PCDHA6: variants seen among roughly 807,000 people sequenced by gnomAD.
PCDHA6 encodes protocadherin alpha 6, also known as protocadherin alpha-6.
A neutral mutation model predicts 60.3 loss-of-function variants in PCDHA6; 55 were observed. That is an observed-to-expected ratio of 0.91 (90% CI 0.73 to 1.14). The LOEUF (loss-of-function observed/expected upper bound fraction) is 1.14, where lower values mean the gene tolerates loss of function less well. PCDHA6 is among the 50% of genes most tolerant of loss of function. The pLI, the probability that PCDHA6 is intolerant of heterozygous loss-of-function variation, is 0.00. For missense variants in PCDHA6, 1,327 were observed against 1,256.5 expected (o/e 1.06, Z -0.85); for synonymous variants, 652 against 557.9 (o/e 1.17, Z -2.38).
At chr5:140,944,880 C>T (rs1275494519) in intron 1 of PCDHA6, among the ~76,000 whole-genome samples, 1 of 152,150 alleles carries the variant, frequency 6.6e-6, no homozygotes, top group Non-Finnish European at 1.5e-5. Flanking sequence ...ACCTACTCCA[C>T]TGTACAGTTC....
At chr5:140,881,461 C>T (rs1428843491) in intron 1 of PCDHA6, 1 of 635,408 alleles carries the variant, frequency 1.6e-6, no homozygotes, top group Non-Finnish European at 2.0e-6. Context: ...AACCTTAGAG[C>T]ATTGTTGTGG....
intron 1 of PCDHA6, among the ~76,000 whole-genome samples, chr5:140,906,981 G>A (rs1554192831): frequency 6.6e-6 from 1 of 152,122 alleles, no homozygotes; most frequent in Non-Finnish European, 1.5e-5. Flanking sequence ...GTCTTCTGGT[G>A]GCAGCATTCC....
At chr5:140,842,221 A>G (rs1420540390) in intron 1 of PCDHA6, 1 of 1,613,116 alleles carries the variant, frequency 6.2e-7, no homozygotes, top group Non-Finnish European at 8.5e-7. Context: ...GAAATACGGG[A>G]GAAATAGTGA....
chr5:140,835,485 G>C (rs371322976), intron 1 of PCDHA6: 7 of 1,613,778 alleles, frequency 4.3e-6, no homozygotes, highest in Non-Finnish European at 5.9e-6. Flanking sequence ...ACCAGGTACC[G>C]TCATCACATT....
chr5:140,975,890 T>C (rs542825387), intron 1 of PCDHA6, among the ~76,000 whole-genome samples: 1 of 152,310 alleles, frequency 6.6e-6, no homozygotes, highest in South Asian at 2.1e-4. Flanking sequence ...TTTCCACATA[T>C]GGAGTTTTGT....
chr5:140,915,886 T>A (rs1259377999), intron 1 of PCDHA6, among the ~76,000 whole-genome samples: 2 of 152,186 alleles, frequency 1.3e-5, no homozygotes, highest in African/African-American at 4.8e-5. Context: ...GGGTAGCAAG[T>A]TCCCCCTGGC....
intron 1 of PCDHA6, among the ~76,000 whole-genome samples, chr5:140,924,240 G>T (rs1554201838): frequency 2.6e-5 from 4 of 152,186 alleles, no homozygotes; most frequent in Non-Finnish European, 5.9e-5. Flanking sequence ...GGGCTGTTTT[G>T]CATCCTGGTG....
At chr5:140,875,561 A>G in intron 1 of PCDHA6, 1 of 1,614,128 alleles carries the variant, frequency 6.2e-7, no homozygotes, top group Non-Finnish European at 8.5e-7. Flanking sequence ...GGGAGCGGCC[A>G]GCTCCACTAC....
At chr5:140,849,170 C>T in intron 1 of PCDHA6, 2 of 1,111,514 alleles carry the variant, frequency 1.8e-6, no homozygotes, top group East Asian at 2.6e-5. Context: ...TGACTGGCAC[C>T]GTTCAATTAC....
intron 1 of PCDHA6, chr5:140,876,169 C>T (rs782706242): frequency 3.1e-6 from 5 of 1,613,798 alleles, no homozygotes; most frequent in Non-Finnish European, 4.2e-6. Context: ...AATAACCGTC[C>T]TGGATGTGAA....
chr5:140,990,379 G>C (rs1554251452), intron 3 of PCDHA6, among the ~76,000 whole-genome samples: 3 of 152,092 alleles, frequency 2.0e-5, no homozygotes. Context: ...CAAATTTGTT[G>C]GTGATGTTCC....
intron 3 of PCDHA6, among the ~76,000 whole-genome samples, chr5:141,003,468 C>T (rs2098126270): frequency 6.6e-6 from 1 of 152,066 alleles, no homozygotes; most frequent in Non-Finnish European, 1.5e-5. Context: ...TGCACCACCA[C>T]AGTCTCGCTA....
chr5:140,978,794 TG>T (rs1179958432), intron 1 of PCDHA6, 154 bp from the exon 2 acceptor site: 8 of 978,628 alleles, frequency 8.2e-6, no homozygotes, highest in Non-Finnish European at 9.7e-6. Context: ...GTGCTATATA[TG>T]TAGATATCAT....
chr5:140,971,284 A>G lies in PCDHA6; in HGVS notation c.2395-7665A>G, dbSNP rs573117700. 1.7e-3 allele frequency among the ~76,000 whole-genome samples: 257 copies of G among 152,334 alleles called. 1 individual carries two copies. The highest frequency in any genetic ancestry group is 3.4e-3 in the Non-Finnish European group (234 of 68,028). ...CTGTCTTACACTGACCTGTATATTAATATGTACTTTGGTACACAAACATTT... is the reference window on the plus strand; with the variant it reads ...CTGTCTTACACTGACCTGTATATTAGTATGTACTTTGGTACACAAACATTT... On this transcript the variant is annotated intron_variant, in intron 1 of 3. Transcript: ENST00000529310.
At chr5:141,008,582 G>A (rs1554261823) in intron 3 of PCDHA6, among the ~76,000 whole-genome samples, 1 of 152,130 alleles carries the variant, frequency 6.6e-6, no homozygotes. Context: ...CCAAGACTCA[G>A]GGCAGATTTC....
At chr5:140,884,388 T>C in intron 1 of PCDHA6, 1 of 1,613,960 alleles carries the variant, frequency 6.2e-7, no homozygotes, top group Non-Finnish European at 8.5e-7. Flanking sequence ...ATCTGCGCGG[T>C]GTCCAGCCTG....
chr5:140,951,840 C>T (rs555935634), intron 1 of PCDHA6, among the ~76,000 whole-genome samples: 2 of 152,190 alleles, frequency 1.3e-5, no homozygotes, highest in African/African-American at 4.8e-5. Flanking sequence ...AGCATTAAGC[C>T]AAAAGTCCAA....
In PCDHA6 at chr5:140,827,999, G is replaced by T; in HGVS notation, c.-93G>T. The T allele has an allele frequency of 6.7e-7, 1 of 1,484,114 alleles. No homozygotes were observed. Among genetic ancestry groups the T allele is most frequent in the Non-Finnish European group, 9.0e-7 (1 of 1,105,500 alleles). 91.9% of individuals were successfully genotyped at this position (1,484,114 alleles called of 1,614,324 possible). ...CCCTGACTGTTGAATGATGGCGGACGCAGAAGAAATGGATTAATAAATTCC... is the reference window on the plus strand; with the variant it reads ...CCCTGACTGTTGAATGATGGCGGACTCAGAAGAAATGGATTAATAAATTCC... On this transcript the variant is annotated 5_prime_UTR_variant, in exon 1 of 4. Coordinates refer to ENST00000529310, the MANE Select transcript of PCDHA6 (RefSeq NM_018909.4).
At chr5:140,935,564 T>A (rs1554210560) in intron 1 of PCDHA6, among the ~76,000 whole-genome samples, 1 of 152,236 alleles carries the variant, frequency 6.6e-6, no homozygotes, top group Non-Finnish European at 1.5e-5. Context: ...GAAAAGTTCC[T>A]CTCTGTGTAG....
Sources: allele counts gnomAD v4.1 joint callset (sites outside exome capture counted in the v4.1 genomes callset), GRCh38; gene constraint gnomAD v4.1.1; transcripts MANE v1.5; gene names NCBI Gene and HGNC (gene_info 2026-07-23, HGNC 2026-07-21).